Variants in MYO1A observed in about 807,000 individuals in gnomAD.
MYO1A encodes myosin IA.
MYO1A carries 127 observed loss-of-function variants against 138.5 expected under a neutral mutation model. That is an observed-to-expected ratio of 0.92 (90% CI 0.79 to 1.06). The LOEUF is 1.06. Among genes scored for constraint, MYO1A ranks in the 50% least tolerant of loss-of-function variants. The pLI is 0.00. For synonymous variants in MYO1A, 477 were observed against 497.5 expected (o/e 0.96, Z 0.55); for missense variants, 1,211 against 1,288.8 (o/e 0.94, Z 0.92).
At chr12:57,039,708 C>T (rs2030771758) in intron 14 of MYO1A, among the ~76,000 whole-genome samples, 1 of 152,296 alleles carries the variant, frequency 6.6e-6, no homozygotes, top group South Asian at 2.1e-4. Context: ...TTTGATACAT[C>T]TTCAAAGATC....
intron 21 of MYO1A, among the ~76,000 whole-genome samples, 163 bp downstream of exon 21, chr12:57,036,609 C>A (rs752616466): frequency 3.3e-5 from 5 of 152,110 alleles, no homozygotes; most frequent in Non-Finnish European, 7.4e-5. Context: ...ACAGGTCTCC[C>A]CTACAGGCCT....
chr12:57,032,033 C>G (rs1056222603), intron 22 of MYO1A, among the ~76,000 whole-genome samples: 2 of 152,248 alleles, frequency 1.3e-5, no homozygotes, highest in African/African-American at 2.4e-5. Flanking sequence ...CCTACCCAGC[C>G]CATGCATGAT....
rs1311732810 is a variant in MYO1A at position 57,036,316 on chromosome 12, G to A, written c.2340C>T (p.Tyr780=). 2.5e-6 allele frequency: 4 copies of A among 1,613,708 alleles called. No homozygotes were observed. Among genetic ancestry groups the A allele is most frequent in the East Asian group, 2.2e-5 (1 of 44,886 alleles). The change falls in exon 22 of 28, where the codon TAC becomes TAT. Residue 780 remains tyrosine, a synonymous_variant. Coordinates refer to ENST00000300119, the MANE Select transcript of MYO1A (RefSeq NM_005379.4). ...AACCCCTACCACTTACCATGCTCTT[G>A]TAGATGAAATCTGCCAAGGTGAGGG... is the stretch of plus-strand genomic sequence containing the variant. ...EAALTLADFI[Y]KSMVQKFLLG...
At chr12:57,049,587 T>C (rs2031267264) in intron 1 of MYO1A, among the ~76,000 whole-genome samples, 2 of 152,238 alleles carry the variant, frequency 1.3e-5, no homozygotes, top group Middle Eastern at 3.2e-3. Context: ...TACCACGAAC[T>C]GGGCAGGGCT....
At chr12:57,034,709 C>CCAA (rs2030447687) in intron 22 of MYO1A, among the ~76,000 whole-genome samples, 1 of 151,902 alleles carries the variant, frequency 6.6e-6, no homozygotes, top group South Asian at 2.1e-4. Context: ...TGGCTCACAC[C>CCAA]TGTAATCCTA....
intron 12 of MYO1A, 46 bp from the exon 13 acceptor site, chr12:57,041,543 C>A (rs775156656): frequency 6.5e-7 from 1 of 1,528,776 alleles, no homozygotes; most frequent in South Asian, 1.1e-5. Flanking sequence ...CCCCTCTGCA[C>A]ACCAGGCCAG....
rs529506371 is a variant in MYO1A at position 57,029,637 on chromosome 12, A to G, written c.2725-50T>C. The G allele has an allele frequency of 3.1e-6, 5 of 1,613,416 alleles. No individual in the cohort carries two copies. The East Asian group carries it at 1.1e-4, about 36-fold the overall frequency. ...AGGAAAGGCAGGATTAATTGCCCCC[A>G]CTCCACCTGGCAGGGCGCAAACACA... On this transcript the variant is annotated intron_variant, in intron 25 of 27. Coordinates refer to ENST00000300119, the MANE Select transcript of MYO1A (RefSeq NM_005379.4).
At position 57,043,951 on chromosome 12, in the gene MYO1A, T is replaced by C. The variant is rs746924525; in HGVS notation, c.797A>G (p.Glu266Gly). 28 of 1,613,958 alleles carry C rather than the reference T, an allele frequency of 1.7e-5. No individual in the cohort carries two copies. The highest frequency in any genetic ancestry group is 2.3e-5 in the Non-Finnish European group (27 of 1,179,992). ...CAGCTTTAGCACCATGGATGTCACCTCTAGCACTTGTCGAATCTCCTCCTC... is the reference window on the plus strand; with the variant it reads ...CAGCTTTAGCACCATGGATGTCACCCCTAGCACTTGTCGAATCTCCTCCTC... ...FSEEEIRQVL[E>G]VTSMVLKLGN... Residue 266 changes from glutamate (E) to glycine (G), a missense_variant, in exon 10 of 28, where the codon GAG (glutamate) becomes GGG (glycine). By Grantham distance (98) the Glu-to-Gly change is moderately conservative. Coordinates refer to ENST00000300119, the MANE Select transcript of MYO1A (RefSeq NM_005379.4).
chr12:57,042,466 G>A (rs547885991), intron 12 of MYO1A, among the ~76,000 whole-genome samples: 3 of 152,130 alleles, frequency 2.0e-5, no homozygotes, highest in East Asian at 3.8e-4. Context: ...AAATTTTAGT[G>A]AGGACATCTA....
chr12:57,038,308 A>G, intron 17 of MYO1A, 104 bp downstream of exon 17: 1 of 1,325,196 alleles, frequency 7.5e-7, no homozygotes, highest in African/African-American at 1.4e-5. Flanking sequence ...GACCTCTGAC[A>G]TCCTTATTCC....
intron 14 of MYO1A, among the ~76,000 whole-genome samples, chr12:57,039,908 C>T (rs1669679612): frequency 6.6e-6 from 1 of 152,214 alleles, no homozygotes; most frequent in African/African-American, 2.4e-5. Flanking sequence ...TTAGGAACCA[C>T]TTTATCTACA....
In MYO1A at chr12:57,029,145, T is replaced by G; in HGVS notation, c.2992A>C (p.Thr998Pro). 1 of 1,614,084 alleles carries G rather than the reference T, an allele frequency of 6.2e-7. No individual in the cohort carries two copies. The highest frequency in any genetic ancestry group is 1.1e-5 in the South Asian group (1 of 91,074). ...LDATQRQLTVTVTEKFSVRFK... is the reference protein window; with the variant it reads ...LDATQRQLTVPVTEKFSVRFK... ...TCATGGCCTCACTTCTCAGTCACGG[T>G]GACTGTAAGCTGCCTCTGCGTGGCA... The change falls in exon 27 of 28, where the codon ACC becomes CCC. Residue 998 changes from threonine (T) to proline (P), a missense_variant. By Grantham distance (38) the Thr-to-Pro change is conservative. Transcript: ENST00000300119.
At chr12:57,029,307 C>A in intron 26 of MYO1A, 48 bp from the exon 27 acceptor site, 1 of 1,613,502 alleles carries the variant, frequency 6.2e-7, no homozygotes, top group Non-Finnish European at 8.5e-7. Context: ...TTTTTCTCTT[C>A]AGGAGCACCT....
chr12:57,040,402 T>C (rs536794653), intron 14 of MYO1A, among the ~76,000 whole-genome samples: 1 of 152,318 alleles, frequency 6.6e-6, no homozygotes, highest in South Asian at 2.1e-4. Context: ...AAGCCCATGT[T>C]GGTTGCCTCT....
Position 57,036,774 on chromosome 12 carries a change from T to C in MYO1A, c.2272A>G (p.Lys758Glu), listed in dbSNP as rs766854027. 1 of 1,614,146 alleles carries C rather than the reference T, an allele frequency of 6.2e-7. No homozygotes were observed. Among genetic ancestry groups the C allele is most frequent in the African/African-American group, 1.3e-5 (1 of 75,020 alleles). Residue 758 changes from lysine to glutamate, a missense_variant and splice_region_variant, in exon 21 of 28, where the codon AAG (lysine) becomes GAG (glutamate). Coordinates refer to ENST00000300119, the MANE Select transcript of MYO1A (RefSeq NM_005379.4). ...ACCTCTCTTCCACTCTCCATTACCT[T>C]CCACCCTCTCACAAAAGCCTGGATC... ...LLIQAFVRGW[K>E]ARKNYRKYFR...
Position 57,044,144 on chromosome 12 carries a change from C to T in MYO1A, c.706G>A (p.Asp236Asn), listed in dbSNP as rs2030989907. Reference sequence around the variant, plus strand: ...AAGCTGGAGGCGTCGTCCATGCCATCCACTCTGGATACTTCATGATTCAGA... The same window carrying T: ...AAGCTGGAGGCGTCGTCCATGCCATTCACTCTGGATACTTCATGATTCAGA... ...AYLNHEVSRV[D>N]GMDDASSFRA... The change falls in exon 9 of 28, where the codon GAT becomes AAT. Residue 236 changes from aspartate (D) to asparagine (N), a missense_variant. Transcript: ENST00000300119. 1 of 1,614,076 alleles carries T rather than the reference C, an allele frequency of 6.2e-7. No individual in the cohort carries two copies. The highest frequency in any genetic ancestry group is 1.1e-5 in the South Asian group (1 of 91,072).
chr12:57,036,499 G>A, intron 21 of MYO1A, 118 bp from the exon 22 acceptor site: 1 of 1,103,116 alleles, frequency 9.1e-7, no homozygotes, highest in African/African-American at 1.5e-5. Context: ...ACTGTAGCTG[G>A]AAGTTGGAAG....
intron 19 of MYO1A, among the ~76,000 whole-genome samples, 175 bp downstream of exon 19, chr12:57,037,373 T>C (rs1041998684): frequency 6.6e-6 from 1 of 152,128 alleles, no homozygotes; most frequent in Non-Finnish European, 1.5e-5. Flanking sequence ...CTCAGGGCAG[T>C]GTAGGAACCC....
intron 17 of MYO1A, among the ~76,000 whole-genome samples, 162 bp from the exon 18 acceptor site, chr12:57,038,231 A>G (rs950950992): frequency 1.3e-5 from 2 of 152,172 alleles, no homozygotes; most frequent in African/African-American, 2.4e-5. Context: ...TGTATTCCCT[A>G]TCGAATCTGA....
Sources: allele counts gnomAD v4.1 joint callset (sites outside exome capture counted in the v4.1 genomes callset), GRCh38; gene constraint gnomAD v4.1.1; transcripts MANE v1.5; gene names NCBI Gene and HGNC (gene_info 2026-07-23, HGNC 2026-07-21).